The following ZNF451 variants were observed in gnomAD, a reference collection of about 807,000 sequenced individuals.
ZNF451 encodes the protein zinc finger protein 451, also known as E3 SUMO-protein ligase ZNF451.
In ZNF451, 80 loss-of-function variants were observed where a neutral mutation model predicts 107.1. The observed-to-expected ratio is 0.75, with a 90% CI of 0.62 to 0.90. The LOEUF (loss-of-function observed/expected upper bound fraction) is 0.90. ZNF451 is among the 40% of genes least tolerant of loss of function. The pLI is 0.00. For synonymous variants in ZNF451, 362 were observed against 406.5 expected, an observed-to-expected ratio of 0.89 and a Z score of 1.32; for missense variants, 1,107 against 1,236.2, an observed-to-expected ratio of 0.90 and a Z score of 1.57.
chr6:57,101,888 C>T (rs1350774350), intron 3 of ZNF451: 2 of 1,550,516 alleles, frequency 1.3e-6, no homozygotes, highest in Non-Finnish European at 1.7e-6. Context: ...GATGTGAAAG[C>T]TGTTGTTGCA....
At chr6:57,109,309 T>C in intron 3 of ZNF451, 2 of 985,410 alleles carry the variant, frequency 2.0e-6, no homozygotes, top group South Asian at 9.4e-5. Flanking sequence ...ACACATTTTT[T>C]TTTTTTAACT....
At chr6:57,121,544 C>T (rs1182725667) in intron 3 of ZNF451, among the ~76,000 whole-genome samples, 1 of 151,982 alleles carries the variant, frequency 6.6e-6, no homozygotes, top group African/African-American at 2.4e-5. Flanking sequence ...TTCTTTGATA[C>T]AAAATTAACT....
Position 57,131,976 on chromosome 6 carries a change from C to T in ZNF451, c.425-1066C>T, listed in dbSNP as rs181678420. Among the ~76,000 whole-genome samples the T allele has an allele frequency of 5.3e-4, 81 of 152,086 alleles. 2 individuals are homozygous for T. The East Asian group carries it at 0.015, about 29-fold the overall frequency. ...CCCGAGGACATTTGGCTGGGGGATT[C>T]ATCTACAAGTTGTGTGACCTTAAGA... On this transcript the variant is annotated intron_variant, in intron 5 of 14. Transcript: ENST00000370706.
In ZNF451 at chr6:57,152,225, A is replaced by G. The variant is rs955904110; in HGVS notation, c.2757A>G (p.Gly919=). 6.2e-7 allele frequency: 1 copy of G among 1,607,902 alleles called. No individual in the cohort carries two copies. The highest frequency in any genetic ancestry group is 1.7e-5 in the Admixed American group (1 of 59,080). Residue 919 remains glycine, a synonymous_variant, in exon 12 of 15, where the codon GGA becomes GGG. Coordinates refer to ENST00000370706, the MANE Select transcript of ZNF451 (RefSeq NM_001031623.3). The stretch of plus-strand genomic sequence containing the variant: ...TGCCTTTTCTAAAATTAATAGGAGG[A>G]AACACCAATTGGAAGCCTCCGCTCA... The part of the protein sequence containing the change: ...QGTFIWGFQG[G]NTNWKPPLNC...
chr6:57,160,014 T>TGTA (rs1309152272), intron 13 of ZNF451, among the ~76,000 whole-genome samples: 1 of 152,184 alleles, frequency 6.6e-6, no homozygotes, highest in Non-Finnish European at 1.5e-5. Context: ...TTGATTTAAA[T>TGTA]GTAGTTAAAG....
At chr6:57,111,890 A>G (rs753212367) in intron 3 of ZNF451, among the ~76,000 whole-genome samples, 10 of 152,136 alleles carry the variant, frequency 6.6e-5, no homozygotes, top group East Asian at 1.9e-4. Flanking sequence ...GAGTATATCT[A>G]TATGTGTGTT....
chr6:57,130,452 A>T (rs1257855291), intron 5 of ZNF451, among the ~76,000 whole-genome samples: 1 of 152,130 alleles, frequency 6.6e-6, no homozygotes. Flanking sequence ...TTTTAAACAG[A>T]TGCCTACACC....
intron 3 of ZNF451, among the ~76,000 whole-genome samples, chr6:57,122,697 G>T (rs1182552304): frequency 6.6e-6 from 1 of 152,110 alleles, no homozygotes; most frequent in Non-Finnish European, 1.5e-5. Flanking sequence ...CAGTCAAAAT[G>T]GTTATTTCTA....
intron 3 of ZNF451, among the ~76,000 whole-genome samples, chr6:57,119,023 G>T (rs1311806961): frequency 1.3e-5 from 2 of 152,084 alleles, no homozygotes; most frequent in African/African-American, 4.8e-5. Flanking sequence ...TACTGCAAAG[G>T]TGTAGCCTCA....
chr6:57,103,913 T>A, intron 3 of ZNF451: 9 of 985,390 alleles, frequency 9.1e-6, no homozygotes, highest in Non-Finnish European at 1.1e-5. Context: ...TTATTTGTGC[T>A]ACAGAGGTTG....
At chr6:57,105,318 A>G (rs1562592514) in intron 3 of ZNF451, 2 of 983,794 alleles carry the variant, frequency 2.0e-6, no homozygotes, top group Non-Finnish European at 2.4e-6. Flanking sequence ...TACAATGTAT[A>G]TAGAGACAAT....
intron 3 of ZNF451, chr6:57,104,606 A>G (rs1449394732): frequency 1.0e-6 from 1 of 985,330 alleles, no homozygotes; most frequent in Non-Finnish European, 1.2e-6. Flanking sequence ...TTGTGGTTAA[A>G]AAAAAAGAAA....
intron 14 of ZNF451, among the ~76,000 whole-genome samples, chr6:57,163,468 T>TTTTTTTTTTTTTTTTTTTTTG: frequency 9.3e-6 from 1 of 107,582 alleles, no homozygotes; most frequent in East Asian, 3.6e-4. Flanking sequence ...TTTTTTTTTT[T>TTTTTTTTTTTTTTTTTTTTTG]GAGACGGAGT....
rs759275007 is a variant in ZNF451 at position 57,148,149 on chromosome 6, G to A, written c.2064G>A (p.Glu688=). The A allele has an allele frequency of 2.5e-6, 4 of 1,614,020 alleles. No individual in the cohort carries two copies. In the Admixed American group the frequency reaches 6.7e-5, roughly 27 times the overall value. ...AAGCATTTCTGAGTCATTATGAGGAGCACCACAGCATAGATTATGTATTTG... is the reference window on the plus strand; with the variant it reads ...AAGCATTTCTGAGTCATTATGAGGAACACCACAGCATAGATTATGTATTTG... ...VEEAFLSHYE[E]HHSIDYVFVS... Residue 688 remains glutamate (E), a synonymous_variant, in exon 10 of 15, where the codon GAG becomes GAA. Coordinates refer to ENST00000370706, the MANE Select transcript of ZNF451 (RefSeq NM_001031623.3).
At chr6:57,106,702 A>C (rs1829881192) in intron 3 of ZNF451, 4 of 978,580 alleles carry the variant, frequency 4.1e-6, no homozygotes, top group African/African-American at 1.8e-5. Flanking sequence ...ATCATTCTGT[A>C]TTTAATGTTA....
At chr6:57,107,961 C>T (rs1391074082) in intron 3 of ZNF451, 1 of 520,730 alleles carries the variant, frequency 1.9e-6, no homozygotes, top group Admixed American at 6.4e-5. Context: ...GCCTAAGCCT[C>T]CTGAGTAGCT....
At chr6:57,151,480 T>C (rs1832346596) in intron 11 of ZNF451, 1 of 151,822 alleles carries the variant, frequency 6.6e-6, no homozygotes, top group South Asian at 2.1e-4. Context: ...TGTACTAACA[T>C]GGTTACTGAT....
intron 3 of ZNF451, among the ~76,000 whole-genome samples, chr6:57,122,221 A>T (rs545792595): frequency 5.3e-5 from 8 of 152,276 alleles, no homozygotes; most frequent in Admixed American, 1.3e-4. Context: ...CATATATAAA[A>T]ATTAACTCAA....
intron 13 of ZNF451, among the ~76,000 whole-genome samples, chr6:57,159,987 CTT>C (rs1474840955): frequency 2.6e-5 from 4 of 151,952 alleles, no homozygotes; most frequent in Non-Finnish European, 4.4e-5. Context: ...ATAATTATGT[CTT>C]GATATAAATA....
Sources: allele counts gnomAD v4.1 joint callset (sites outside exome capture counted in the v4.1 genomes callset), GRCh38; gene constraint gnomAD v4.1.1; transcripts MANE v1.5; gene names NCBI Gene and HGNC (gene_info 2026-07-23, HGNC 2026-07-21).